The following LEPR variants were observed in gnomAD, a reference collection of about 807,000 sequenced individuals.
LEPR encodes the protein OB receptor.
LEPR carries 56 observed loss-of-function variants against 114.7 expected under a neutral mutation model. The ratio of observed to expected loss-of-function variants is 0.49; its 90% CI spans 0.39 to 0.61. The LOEUF is 0.61. LEPR is among the 20% of genes least tolerant of loss of function. The probability of loss-of-function intolerance (pLI) is 0.00; values close to 1 mark genes in which losing one functional copy is unlikely to be tolerated. For missense variants in LEPR, 1,202 were observed against 1,352.9 expected (o/e 0.89, Z 1.75); for synonymous variants, 443 against 461.4 (o/e 0.96, Z 0.51).
rs1658717238 is a variant in LEPR at position 65,636,351 on chromosome 1, C to A, written c.2834C>A (p.Thr945Lys). The change falls in exon 20 of 20, where the codon ACA becomes AAA. Residue 945 changes from threonine (T) to lysine (K), a missense_variant. By Grantham distance (78) the Thr-to-Lys change is moderately conservative. Transcript: ENST00000349533. ...MPTTVVSLLS[T>K]TDLEKGSVCI... ...ACAACTGTGGTCTCTCTACTTTCAA[C>A]AACAGATCTTGAAAAGGGTTCTGTT... The A allele has an allele frequency of 6.2e-7, 1 of 1,613,906 alleles. No individual in the cohort carries two copies. Among genetic ancestry groups the A allele is most frequent in the African/African-American group, 1.3e-5 (1 of 74,898 alleles).
Position 65,636,479 on chromosome 1 carries a change from A to G in LEPR, c.2962A>G (p.Thr988Ala). 2 of 1,614,104 alleles carry G rather than the reference A, an allele frequency of 1.2e-6. No individual in the cohort carries two copies. Among genetic ancestry groups the G allele is most frequent in the South Asian group, 1.1e-5 (1 of 91,080 alleles). Residue 988 changes from threonine (T) to alanine (A), a missense_variant, in exon 20 of 20, where the codon ACG becomes GCG. Transcript: ENST00000349533. ...GAGACAACCCTTTGTTAAATACGCC[A>G]CGCTGATCAGCAACTCTAAACCAAG... ...SQRQPFVKYA[T>A]LISNSKPSET...
Position 65,613,729 on chromosome 1 carries a change from C to T in LEPR, c.1996-2279C>T, listed in dbSNP as rs558072233. Among the ~76,000 whole-genome samples the T allele has an allele frequency of 3.2e-3, 139 of 43,298 alleles. 4 individuals carry two copies. The highest frequency in any genetic ancestry group is 0.017 in the African/African-American group (136 of 8,234). The allele number at this position is 43,298 out of a possible 152,430, so 28.4% of individuals were successfully genotyped here. On this transcript the variant is annotated intron_variant, in intron 14 of 19. Coordinates refer to ENST00000349533, the MANE Select transcript of LEPR (RefSeq NM_002303.6). ...GATTGCGCCATTGCAGTCCGCAGTC[C>T]GGCCTGGGCAACAGAGCGAGACTCC...
intron 2 of LEPR, among the ~76,000 whole-genome samples, chr1:65,543,806 C>A (rs933321833): frequency 1.3e-5 from 2 of 151,876 alleles, no homozygotes; most frequent in African/African-American, 4.9e-5. Flanking sequence ...TCTGAGGCCT[C>A]TTTTGGTTCC....
At chr1:65,609,307 C>T (rs879222304) in intron 12 of LEPR, among the ~76,000 whole-genome samples, 3 of 152,186 alleles carry the variant, frequency 2.0e-5, no homozygotes, top group Admixed American at 2.0e-4. Context: ...TTCCAAGGAA[C>T]TGTTGTTTCT....
chr1:65,525,995 CG>C lies in LEPR; in HGVS notation c.-20-39546del, dbSNP rs1028727188. The C allele has an allele frequency of 4.0e-6, 3 of 752,818 alleles. No homozygotes were observed. In the Admixed American group the frequency reaches 1.9e-4, roughly 47 times the overall value. The allele number at this position is 752,818 out of a possible 1,614,324, so 46.6% of individuals were successfully genotyped here. On this transcript the variant is annotated intron_variant, in intron 2 of 19. Transcript: ENST00000349533. Reference sequence around the variant, plus strand: ...AGAGGGGCCAGCGCCCGGCGGGCGGCGGGGGTGGGGTGGGTGCGACGCCGGG... The same window carrying C: ...AGAGGGGCCAGCGCCCGGCGGGCGGCGGGGTGGGGTGGGTGCGACGCCGGG...
rs534092465 is a variant in LEPR, at chr1:65,516,143, T to C, written c.-20-49403T>C. ...TAAGTCAACTTTTATACTCAAGGTT[T>C]AGAATTTTCCTTGATTACAGGTGGC... On this transcript the variant is annotated intron_variant, in intron 2 of 19. Transcript: ENST00000349533. Among the ~76,000 whole-genome samples, 34 of 152,312 alleles carry C rather than the reference T, an allele frequency of 2.2e-4. 1 individual carries two copies. Among genetic ancestry groups the C allele is most frequent in the African/African-American group, 8.2e-4 (34 of 41,580 alleles).
chr1:65,488,385 G>A (rs1364971043), intron 2 of LEPR, among the ~76,000 whole-genome samples: 1 of 145,728 alleles, frequency 6.9e-6, no homozygotes, highest in African/African-American at 2.6e-5. Context: ...GGAGTACAGT[G>A]GCATGATTAT....
chr1:65,450,766 A>G (rs1318470483), intron 2 of LEPR, among the ~76,000 whole-genome samples: 1 of 151,166 alleles, frequency 6.6e-6, no homozygotes, highest in Non-Finnish European at 1.5e-5. Flanking sequence ...TAGCAGCATG[A>G]TTTATAGTCC....
intron 2 of LEPR, among the ~76,000 whole-genome samples, chr1:65,446,680 A>G (rs1210357974): frequency 1.3e-5 from 2 of 152,098 alleles, no homozygotes; most frequent in African/African-American, 2.4e-5. Flanking sequence ...TCAAGGCTTT[A>G]TTGTATATCT....
At chr1:65,548,322 G>A (rs1217005369) in intron 2 of LEPR, among the ~76,000 whole-genome samples, 1 of 152,112 alleles carries the variant, frequency 6.6e-6, no homozygotes, top group Non-Finnish European at 1.5e-5. Context: ...TGTCTATTAG[G>A]TCTGCTTGGT....
chr1:65,500,967 ATAATAAAGTTC>A (rs1249687985), intron 2 of LEPR, among the ~76,000 whole-genome samples: 52 of 152,078 alleles, frequency 3.4e-4, no homozygotes, highest in Non-Finnish European at 4.6e-4. Context: ...CATAATATTA[ATAATAAAGTTC>A]TATACATTCG....
At chr1:65,437,878 T>C (rs1014664939) in intron 2 of LEPR, among the ~76,000 whole-genome samples, 12 of 9,926 alleles carry the variant, frequency 1.2e-3, no homozygotes, top group African/African-American at 5.1e-3. Flanking sequence ...TGGCAAGATA[T>C]GGCTCACTGC....
At chr1:65,429,447 A>G (rs7534511) in intron 2 of LEPR, among the ~76,000 whole-genome samples, 104,348 of 152,062 alleles carry the variant, frequency 0.69, 36,809 homozygotes, top group African/African-American at 0.79. Context: ...CAAGGAATTT[A>G]GGGTTTATTC....
At chr1:65,525,644 C>T in intron 2 of LEPR, 7 of 985,788 alleles carry the variant, frequency 7.1e-6, no homozygotes, top group Non-Finnish European at 7.2e-6. Context: ...GCCCCACCTC[C>T]CCACGCACTC....
intron 2 of LEPR, among the ~76,000 whole-genome samples, chr1:65,510,264 G>A (rs1392196129): frequency 6.6e-6 from 1 of 152,040 alleles, no homozygotes; most frequent in Admixed American, 6.6e-5. Context: ...TCTCCTTTTT[G>A]GCTAAGCTAT....
At chr1:65,456,623 G>A (rs187229088) in intron 2 of LEPR, among the ~76,000 whole-genome samples, 1 of 152,240 alleles carries the variant, frequency 6.6e-6, no homozygotes, top group Non-Finnish European at 1.5e-5. Context: ...GAAATTAATA[G>A]AGGTACTCTT....
At position 65,523,379 on chromosome 1, in the gene LEPR, C is replaced by T. The variant is rs549962949; in HGVS notation, c.-20-42167C>T. On this transcript the variant is annotated intron_variant, in intron 2 of 19. Transcript: ENST00000349533. ...AGGCTGGAGTGCAGTGGTGTGATCT[C>T]GGTTCAATGCAACCTCTGCCTCCTG... Among the ~76,000 whole-genome samples the T allele has an allele frequency of 2.2e-4, 33 of 151,846 alleles. No homozygotes were observed. In the South Asian group the frequency reaches 3.3e-3, roughly 15 times the overall value.
At chr1:65,545,727 T>G (rs374631513) in intron 2 of LEPR, among the ~76,000 whole-genome samples, 2,372 of 129,248 alleles carry the variant, frequency 0.018, no homozygotes, top group African/African-American at 0.058. Flanking sequence ...AGATGAGTAG[T>G]TTGTGAAAAT....
Position 65,638,641 on chromosome 1 carries a change from T to A in LEPR, c.*1626T>A, listed in dbSNP as rs1248804017. Reference sequence around the variant, plus strand: ...AGCAGTTCTAAACAATGACAAAGATTCCAGACCCCACTTGATAGATATTTT... The same window carrying A: ...AGCAGTTCTAAACAATGACAAAGATACCAGACCCCACTTGATAGATATTTT... On this transcript the variant is annotated 3_prime_UTR_variant, in exon 20 of 20. Coordinates refer to ENST00000349533, the MANE Select transcript of LEPR (RefSeq NM_002303.6). The A allele has an allele frequency of 2.6e-5, 4 of 152,184 alleles. No individual in the cohort carries two copies. The highest frequency in any genetic ancestry group is 5.9e-5 in the Non-Finnish European group (4 of 68,026). 9.4% of individuals were successfully genotyped at this position (152,184 alleles called of 1,614,324 possible).
Sources: gnomAD v4.1 joint callset for allele counts (sites outside exome capture counted in the v4.1 genomes callset) on GRCh38, gnomAD v4.1.1 for gene constraint, MANE v1.5 for transcripts, NCBI Gene and HGNC (gene_info 2026-07-23, HGNC 2026-07-21) for gene names.